The following SH3PXD2A variants were observed in gnomAD, a reference collection of about 807,000 sequenced individuals.
SH3PXD2A encodes SH3 and PX domains 2A, also known as SH3 and PX domain-containing protein 2A.
A neutral mutation model predicts 115.2 loss-of-function variants in SH3PXD2A; 32 were observed. The ratio of observed to expected loss-of-function variants is 0.28; its 90% CI spans 0.21 to 0.37. The LOEUF (loss-of-function observed/expected upper bound fraction) is 0.37, where lower values mean the gene tolerates loss of function less well. SH3PXD2A is among the 10% of genes least tolerant of loss of function. The pLI is 1.00. For synonymous variants in SH3PXD2A, 610 were observed against 629.1 expected (o/e 0.97, Z 0.45); for missense variants, 1,328 against 1,498.7 (o/e 0.89, Z 1.88).
At chr10:103,636,277 C>T (rs186901359) in intron 8 of SH3PXD2A, among the ~76,000 whole-genome samples, 205 of 152,064 alleles carry the variant, frequency 1.3e-3, no homozygotes, top group African/African-American at 4.6e-3. Context: ...GGCGTGGTGG[C>T]GGGCGCCTGT....
intron 5 of SH3PXD2A, among the ~76,000 whole-genome samples, chr10:103,713,553 G>T (rs553478258): frequency 1.0e-3 from 156 of 152,250 alleles, no homozygotes; most frequent in African/African-American, 3.7e-3. Flanking sequence ...ACTCCCTCTG[G>T]CCTGGATGCC....
chr10:103,635,846 G>A (rs1470606820), intron 8 of SH3PXD2A, among the ~76,000 whole-genome samples: 1 of 152,206 alleles, frequency 6.6e-6, no homozygotes, highest in African/African-American at 2.4e-5. Context: ...CATGCTCTGT[G>A]AGCCTTAAGT....
At chr10:103,767,510 G>A (rs955268808) in intron 2 of SH3PXD2A, among the ~76,000 whole-genome samples, 18 of 152,140 alleles carry the variant, frequency 1.2e-4, no homozygotes, top group Non-Finnish European at 2.9e-5. Flanking sequence ...TTTGGGCCTA[G>A]TTTCTTTCCT....
chr10:103,615,483 G>GGTGTGTGGTGTGTGTGTGT (rs2036499017), intron 11 of SH3PXD2A, among the ~76,000 whole-genome samples: 1 of 128,524 alleles, frequency 7.8e-6, no homozygotes, highest in Non-Finnish European at 1.6e-5. Flanking sequence ...AGAGTGCGAG[G>GGTGTGTGGTGTGTGTGTGT]GTGTGTGTGT....
At chr10:103,753,715 T>C (rs1564880870) in intron 3 of SH3PXD2A, 3 of 152,218 alleles carry the variant, frequency 2.0e-5, no homozygotes, top group Non-Finnish European at 4.4e-5. Flanking sequence ...GGCAGAAGTA[T>C]ATGCTTAATA....
At chr10:103,779,928 G>A (rs1401681994) in intron 2 of SH3PXD2A, among the ~76,000 whole-genome samples, 1 of 152,056 alleles carries the variant, frequency 6.6e-6, no homozygotes, top group Non-Finnish European at 1.5e-5. Context: ...TCCAAAATAG[G>A]AGGAGGCCCT....
rs185647631 is a variant in SH3PXD2A at position 103,708,241 on chromosome 10, C to T, written c.399-15185G>A. On this transcript the variant is annotated intron_variant, in intron 5 of 14. Transcript: ENST00000369774. ...TGAATCACAGTCCTGTCTCCACACT[C>T]GTTACAGAAACTCAGCTAGTGACAA... Among the ~76,000 whole-genome samples, 8 of 152,328 alleles carry T rather than the reference C, an allele frequency of 5.3e-5. No individual in the cohort carries two copies. In the East Asian group the frequency reaches 1.2e-3, roughly 22 times the overall value.
At chr10:103,642,368 C>T (rs543679200) in intron 8 of SH3PXD2A, among the ~76,000 whole-genome samples, 1 of 152,254 alleles carries the variant, frequency 6.6e-6, no homozygotes, top group East Asian at 1.9e-4. Flanking sequence ...TAAAGATCAT[C>T]GAACATCAAA....
intron 2 of SH3PXD2A, among the ~76,000 whole-genome samples, chr10:103,797,187 A>G (rs922989867): frequency 3.3e-5 from 5 of 152,118 alleles, no homozygotes; most frequent in Admixed American, 2.6e-4. Flanking sequence ...TTAAAAAAGC[A>G]TTTGCTGTTT....
intron 9 of SH3PXD2A, among the ~76,000 whole-genome samples, chr10:103,623,271 C>CAA (rs1452535746): frequency 0.043 from 6,496 of 150,854 alleles, 466 homozygotes; most frequent in African/African-American, 0.15. Flanking sequence ...TGACAGGGGC[C>CAA]CCCTCCCCAG....
chr10:103,827,160 G>A (rs1476345819), intron 1 of SH3PXD2A, among the ~76,000 whole-genome samples: 5 of 152,110 alleles, frequency 3.3e-5, no homozygotes, highest in Admixed American at 1.3e-4. Flanking sequence ...TCACCTCTTC[G>A]GAGCCATGGA....
intron 2 of SH3PXD2A, among the ~76,000 whole-genome samples, chr10:103,792,580 C>T (rs979862130): frequency 4.6e-5 from 7 of 152,210 alleles, no homozygotes; most frequent in East Asian, 1.9e-4. Context: ...TATTACTATA[C>T]ACCCATTATA....
At chr10:103,623,277 C>A (rs528970648) in intron 9 of SH3PXD2A, among the ~76,000 whole-genome samples, 186 of 141,126 alleles carry the variant, frequency 1.3e-3, no homozygotes, top group African/African-American at 3.9e-3. Context: ...GGGCCCCCTC[C>A]CCAGCTTCTC....
intron 2 of SH3PXD2A, among the ~76,000 whole-genome samples, chr10:103,788,775 G>A (rs776357566): frequency 3.3e-5 from 5 of 152,146 alleles, no homozygotes; most frequent in East Asian, 3.9e-4. Context: ...CCAGCTACTC[G>A]GGAGGCTGAG....
At chr10:103,848,948 C>CT (rs146019283) in intron 1 of SH3PXD2A, among the ~76,000 whole-genome samples, 12 of 69,660 alleles carry the variant, frequency 1.7e-4, no homozygotes, top group African/African-American at 7.0e-4. Context: ...CCCATATATT[C>CT]TTTTTTTTTT....
chr10:103,761,870 C>T (rs1193088001), intron 3 of SH3PXD2A, among the ~76,000 whole-genome samples: 1 of 152,134 alleles, frequency 6.6e-6, no homozygotes, highest in Non-Finnish European at 1.5e-5. Flanking sequence ...AATCGCGGCT[C>T]TGCTGCTGTA....
intron 2 of SH3PXD2A, among the ~76,000 whole-genome samples, chr10:103,768,876 C>T (rs758503654): frequency 5.9e-5 from 9 of 152,176 alleles, no homozygotes; most frequent in Non-Finnish European, 1.2e-4. Flanking sequence ...CTTCCACTCA[C>T]GGCATGGAAG....
At chr10:103,714,894 A>G (rs10883903) in intron 5 of SH3PXD2A, among the ~76,000 whole-genome samples, 51,633 of 152,050 alleles carry the variant, frequency 0.34, 11,538 homozygotes, top group African/African-American at 0.64. Flanking sequence ...GTGTGGGTGG[A>G]CTTTCTACCC....
At chr10:103,777,271 G>C (rs1221620104) in intron 2 of SH3PXD2A, among the ~76,000 whole-genome samples, 1 of 152,266 alleles carries the variant, frequency 6.6e-6, no homozygotes, top group Non-Finnish European at 1.5e-5. Flanking sequence ...ATGACACCAG[G>C]CTGCGTCCCT....
Sources: gnomAD v4.1 joint callset for allele counts (sites outside exome capture counted in the v4.1 genomes callset) on GRCh38, gnomAD v4.1.1 for gene constraint, MANE v1.5 for transcripts, NCBI Gene and HGNC (gene_info 2026-07-23, HGNC 2026-07-21) for gene names.